Variants in KANK1 observed in about 807,000 individuals in gnomAD.
KANK1 encodes KN motif and ankyrin repeat domains 1.
KANK1 carries 109 observed loss-of-function variants against 106.2 expected under a neutral mutation model. That is an observed-to-expected ratio of 1.03 (90% confidence interval 0.88 to 1.20). The LOEUF is 1.20. Among genes scored for constraint, KANK1 ranks in the 50% most tolerant of loss-of-function variants. The pLI is 0.00. For synonymous variants in KANK1, 873 were observed against 652.2 expected (o/e 1.34, Z -5.16); for missense variants, 2,399 against 1,710.7 (o/e 1.40, Z -7.10).
intron 3 of KANK1, among the ~76,000 whole-genome samples, chr9:493,048 AAAG>A (rs1463659056): frequency 4.6e-5 from 7 of 150,772 alleles, no homozygotes; most frequent in African/African-American, 1.7e-4. Flanking sequence ...AAAAAAAAGA[AAAG>A]AAAACCAGCT....
In KANK1 at chr9:732,627, A is replaced by T; in HGVS notation, c.3245+10A>T. 6.2e-7 allele frequency: 1 copy of T among 1,610,630 alleles called. No homozygotes were observed. Among genetic ancestry groups the T allele is most frequent in the Non-Finnish European group, 8.5e-7 (1 of 1,177,166 alleles). On this transcript the variant is annotated intron_variant, in intron 6 of 11. Transcript: ENST00000382297. The stretch of plus-strand genomic sequence containing the variant: ...TGGAAATCAGAGAGAGGTGTGGTAC[A>T]TTCCCCTTCCCTCCCTTGCCCCTCC...
At chr9:722,705 AAGGAGAGCC>A (rs1829672149) in intron 3 of KANK1, among the ~76,000 whole-genome samples, 1 of 152,234 alleles carries the variant, frequency 6.6e-6, no homozygotes, top group East Asian at 1.9e-4. Flanking sequence ...TGACTTGACA[AAGGAGAGCC>A]AGTTTGGAAT....
intron 1 of KANK1, among the ~76,000 whole-genome samples, chr9:648,766 A>G (rs946787975): frequency 6.6e-6 from 1 of 152,176 alleles, no homozygotes; most frequent in African/African-American, 2.4e-5. Context: ...ATCTAAGACA[A>G]TGCATGTGAA....
intron 2 of KANK1, among the ~76,000 whole-genome samples, chr9:690,289 G>A (rs1003513612): frequency 8.1e-5 from 12 of 148,782 alleles, no homozygotes; most frequent in East Asian, 4.0e-4. Context: ...CTGGGTGACG[G>A]AGCGAGACTC....
chr9:547,377 C>T (rs957533113), intron 1 of KANK1: 3 of 152,306 alleles, frequency 2.0e-5, no homozygotes, highest in African/African-American at 7.2e-5. Context: ...TTTCTGTTTT[C>T]AGAAATATTT....
chr9:621,050 C>T (rs180979945), intron 1 of KANK1, among the ~76,000 whole-genome samples: 5 of 152,234 alleles, frequency 3.3e-5, no homozygotes, highest in African/African-American at 4.8e-5. Context: ...ATTGCCAAAA[C>T]GCTTTCAGAA....
chr9:532,992 T>G (rs2060134011), intron 1 of KANK1, among the ~76,000 whole-genome samples: 1 of 152,170 alleles, frequency 6.6e-6, no homozygotes, highest in Admixed American at 6.5e-5. Context: ...GGCACCATGT[T>G]GCTGGTCGGA....
rs75639713 is a variant in KANK1 at position 525,881 on chromosome 9, TA to T, written c.-84+21136del. Among the ~76,000 whole-genome samples, 39 of 150,658 alleles carry T rather than the reference TA, an allele frequency of 2.6e-4. 1 individual carries two copies. The highest frequency in any genetic ancestry group is 2.4e-3 in the Admixed American group (36 of 15,192). ...TCTTGGAAAACTTCACAGTTAGTTT[TA>T]AAAAAAAATGCATTTGTCACCCAGA... On this transcript the variant is annotated intron_variant, in intron 1 of 11. Transcript: ENST00000382297.
At chr9:617,904 G>T (rs150070720) in intron 1 of KANK1, among the ~76,000 whole-genome samples, 18 of 152,224 alleles carry the variant, frequency 1.2e-4, no homozygotes, top group African/African-American at 4.3e-4. Context: ...ACTGAAAGAG[G>T]GTGCGGGCAG....
chr9:475,021 C>T (rs1052134766), intron 3 of KANK1, among the ~76,000 whole-genome samples: 3 of 152,080 alleles, frequency 2.0e-5, no homozygotes, highest in African/African-American at 4.8e-5. Flanking sequence ...ATGGTTGTTA[C>T]ACCGTCTCTC....
chr9:626,276 G>A (rs757660010), intron 1 of KANK1, among the ~76,000 whole-genome samples: 1 of 152,040 alleles, frequency 6.6e-6, no homozygotes, highest in Non-Finnish European at 1.5e-5. Flanking sequence ...CCAACATGGT[G>A]AAACCCCATT....
chr9:741,519 A>G (rs1370405172), intron 9 of KANK1, among the ~76,000 whole-genome samples: 1 of 131,880 alleles, frequency 7.6e-6, no homozygotes, highest in Non-Finnish European at 1.6e-5. Context: ...ACTAAGTCTC[A>G]TTCTGTCACC....
chr9:732,425 C>A lies in KANK1; in HGVS notation c.3053C>A (p.Ser1018Tyr), dbSNP rs750338387. Residue 1018 changes from serine to tyrosine, a missense_variant, in exon 6 of 12, where the codon TCT (serine) becomes TAT (tyrosine). Physicochemically the swap from Ser to Tyr is moderately radical, Grantham distance 144. Transcript: ENST00000382297. ...SDDSSSDESS[S>Y]SESDDECDVI... ...GATTCCAGCTCAGATGAAAGCTCTTCTTCCGAGTCAGATGACGAGTGTGAT... is the reference window on the plus strand; with the variant it reads ...GATTCCAGCTCAGATGAAAGCTCTTATTCCGAGTCAGATGACGAGTGTGAT... The A allele has an allele frequency of 2.5e-6, 4 of 1,614,174 alleles. No individual in the cohort carries two copies. In the South Asian group the frequency reaches 4.4e-5, roughly 18 times the overall value.
intron 1 of KANK1, among the ~76,000 whole-genome samples, chr9:585,443 G>C (rs765975301): frequency 6.6e-6 from 1 of 152,156 alleles, no homozygotes; most frequent in Non-Finnish European, 1.5e-5. Context: ...CAAGCTCCTT[G>C]TATCAGCCTC....
intron 1 of KANK1, chr9:674,408 AG>A: frequency 6.7e-6 from 1 of 149,318 alleles, no homozygotes; most frequent in Non-Finnish European, 1.5e-5. Flanking sequence ...AAAGAGAGAG[AG>A]AAAAAAGGGT....
intron 2 of KANK1, among the ~76,000 whole-genome samples, chr9:690,773 G>A (rs911464401): frequency 6.6e-6 from 1 of 152,150 alleles, no homozygotes. Context: ...AGAACTGAAG[G>A]TTCAGGTTGA....
At chr9:718,947 C>G (rs1014282456) in intron 3 of KANK1, among the ~76,000 whole-genome samples, 1 of 144,340 alleles carries the variant, frequency 6.9e-6, no homozygotes, top group Non-Finnish European at 1.5e-5. Flanking sequence ...AATTCATGCT[C>G]GAGCCCTTTT....
chr9:623,055 G>A (rs940653328), intron 1 of KANK1, among the ~76,000 whole-genome samples: 4 of 152,102 alleles, frequency 2.6e-5, no homozygotes, highest in African/African-American at 7.2e-5. Flanking sequence ...AAACATACAA[G>A]TGGGACTACA....
chr9:632,267 C>G (rs1296360808), intron 1 of KANK1, among the ~76,000 whole-genome samples: 2 of 152,028 alleles, frequency 1.3e-5, no homozygotes, highest in Non-Finnish European at 2.9e-5. Flanking sequence ...AAATTGCATG[C>G]CCCTAGATTT....
Sources: gnomAD v4.1 joint callset for allele counts (sites outside exome capture counted in the v4.1 genomes callset) on GRCh38, gnomAD v4.1.1 for gene constraint, MANE v1.5 for transcripts, NCBI Gene and HGNC (gene_info 2026-07-23, HGNC 2026-07-21) for gene names.